Variants in VGLL4 observed in about 807,000 individuals in gnomAD.
VGLL4 encodes transcription cofactor vestigial-like protein 4.
Under a neutral mutation model 21.0 loss-of-function variants are expected in VGLL4, and 7 were observed. The ratio of observed to expected loss-of-function variants is 0.33; its 90% CI spans 0.19 to 0.63. The LOEUF (loss-of-function observed/expected upper bound fraction) is 0.63, where lower values mean the gene tolerates loss of function less well. Ranked by LOEUF, VGLL4 falls within the 20% of genes least tolerant of loss-of-function variation. The pLI, the probability that VGLL4 is intolerant of heterozygous loss-of-function variation, is 0.78. For missense variants in VGLL4, 394 were observed against 425.7 expected, an observed-to-expected ratio of 0.93 and a Z score of 0.66; for synonymous variants, 222 against 173.2, an observed-to-expected ratio of 1.28 and a Z score of -2.21.
chr3:11,613,273 T>C (rs892959860), intron 1 of VGLL4, among the ~76,000 whole-genome samples: 1 of 152,210 alleles, frequency 6.6e-6, no homozygotes, highest in Non-Finnish European at 1.5e-5. Flanking sequence ...TGCTACCATC[T>C]GCATTTTCAA....
chr3:11,659,177 G>A (rs2075998370), intron 2 of VGLL4, among the ~76,000 whole-genome samples: 3 of 152,082 alleles, frequency 2.0e-5, no homozygotes, highest in Admixed American at 2.0e-4. Flanking sequence ...AAGGGATTGG[G>A]ATCCAAAGAT....
chr3:11,644,271 T>C (rs1015105346), upstream of VGLL4, among the ~76,000 whole-genome samples: 1 of 152,224 alleles, frequency 6.6e-6, no homozygotes, highest in African/African-American at 2.4e-5. Context: ...CCCAAAGTGC[T>C]AGTGATGCAT....
intron 3 of VGLL4, among the ~76,000 whole-genome samples, chr3:11,560,448 G>T (rs1308121522): frequency 6.6e-6 from 1 of 152,208 alleles, no homozygotes; most frequent in African/African-American, 2.4e-5. Flanking sequence ...GGTGACAGCA[G>T]TGTCAGCCAG....
intron 3 of VGLL4, among the ~76,000 whole-genome samples, chr3:11,560,784 G>A (rs1038718593): frequency 2.0e-5 from 3 of 152,174 alleles, no homozygotes; most frequent in African/African-American, 7.2e-5. Context: ...CCCAGGGTTC[G>A]TACGGCCTCC....
intron 2 of VGLL4, chr3:11,582,427 AAGG>A (rs780559419): frequency 2.0e-5 from 31 of 1,512,362 alleles, no homozygotes; most frequent in Non-Finnish European, 2.6e-5. Flanking sequence ...TCCTCCCTGA[AAGG>A]AGGGTTGCGA....
rs556938772 is a variant in VGLL4, at chr3:11,719,330, G to C, written c.-14+1064C>G. On this transcript the variant is annotated intron_variant, in intron 1 of 5. Coordinates refer to the VGLL4 transcript ENST00000273038. This position sits in a 1 kb window ranked among gnomAD's most constrained non-coding sequence, Gnocchi z 4.0. Reference sequence around the variant, plus strand: ...CCCTCCCGCAGGGCATCCCGGTTCTGCTCCGACAGCCCACCCCAAGGCCCC... The same window carrying C: ...CCCTCCCGCAGGGCATCCCGGTTCTCCTCCGACAGCCCACCCCAAGGCCCC... 2.0e-4 allele frequency: 30 copies of C among 152,530 alleles called. No homozygotes were observed. Among genetic ancestry groups the C allele is most frequent in the African/African-American group, 7.2e-4 (30 of 41,548 alleles). 9.4% of individuals were successfully genotyped at this position (152,530 alleles called of 1,614,324 possible). A position where few individuals can be genotyped will look rare whatever the true frequency, so the allele number is the denominator to read the frequency against.
chr3:11,681,948 G>GCATAAA (rs2076377808), intron 2 of VGLL4, among the ~76,000 whole-genome samples: 1 of 152,180 alleles, frequency 6.6e-6, no homozygotes, highest in African/African-American at 2.4e-5. Context: ...AAGACAAAGT[G>GCATAAA]GGACACAGTT....
At chr3:11,683,680 G>A (rs1474980884) in intron 2 of VGLL4, among the ~76,000 whole-genome samples, 2 of 151,916 alleles carry the variant, frequency 1.3e-5, no homozygotes, top group Non-Finnish European at 2.9e-5. Context: ...TGTAATCCCA[G>A]CTACTCCGGA....
rs967163787 is a variant in VGLL4 at position 11,568,706 on chromosome 3, C to T, written c.273-3687G>A. On this transcript the variant is annotated intron_variant, in intron 2 of 4. Transcript: ENST00000430365. This position sits in a 1 kb window ranked among gnomAD's most constrained non-coding sequence, Gnocchi z 5.9. ...CACCTCCCGGCCACTGCTTCCCAGG[C>T]GTCATGTGCTCCCGGGGACGGCAGA... 1.9e-6 allele frequency: 3 copies of T among 1,549,088 alleles called. No individual in the cohort carries two copies. Among genetic ancestry groups the T allele is most frequent in the Admixed American group, 2.0e-5 (1 of 50,856 alleles).
In VGLL4 at chr3:11,568,739, A is replaced by T. The variant is rs2073652841; in HGVS notation, c.273-3720T>A. On this transcript the variant is annotated intron_variant, in intron 2 of 4. Transcript: ENST00000430365. This position sits in a 1 kb window ranked among gnomAD's most constrained non-coding sequence, Gnocchi z 5.9. ...GCTCCCGGGGACGGCAGAAAACCGC[A>T]CGCATCCTGCCCGGGAGATGGAAGT... 1.3e-6 allele frequency: 2 copies of T among 1,532,234 alleles called. No homozygotes were observed. The highest frequency in any genetic ancestry group is 2.5e-5 in the South Asian group (2 of 81,462). The allele number at this position is 1,532,234 out of a possible 1,614,324, so 94.9% of individuals were successfully genotyped here.
At chr3:11,655,126 A>G (rs1048894065) in intron 2 of VGLL4, among the ~76,000 whole-genome samples, 3 of 152,168 alleles carry the variant, frequency 2.0e-5, no homozygotes, top group African/African-American at 7.2e-5. Context: ...ATCACCCAGG[A>G]GGTTTTGAAA....
chr3:11,610,177 C>G (rs2075031080), intron 1 of VGLL4: 1 of 152,338 alleles, frequency 6.6e-6, no homozygotes, highest in African/African-American at 2.4e-5. Flanking sequence ...ACCCTGCTCC[C>G]AGATTCCACG....
chr3:11,655,041 G>A (rs1219893531), intron 2 of VGLL4, among the ~76,000 whole-genome samples: 3 of 152,154 alleles, frequency 2.0e-5, no homozygotes, highest in African/African-American at 2.4e-5. Context: ...CTATTTGTGA[G>A]GCCATTGGCA....
chr3:11,642,502 A>AT (rs1286722842), intron 1 of VGLL4, among the ~76,000 whole-genome samples: 1 of 152,236 alleles, frequency 6.6e-6, no homozygotes, highest in Non-Finnish European at 1.5e-5. Flanking sequence ...CTCCTGCTGA[A>AT]TGAGAAAGAG....
intron 2 of VGLL4, among the ~76,000 whole-genome samples, chr3:11,652,807 C>G (rs911970030): frequency 1.3e-5 from 2 of 152,300 alleles, no homozygotes; most frequent in South Asian, 4.1e-4. Context: ...AACACTTTAA[C>G]TTGTTAGTTT....
rs1431420608 is a variant in VGLL4 at position 11,557,935 on chromosome 3, AAAAC to A, written c.*617_*620del. ...CAAAGCTGTATTGTCTACATTAAAA[AAAAC>A]AAAAACAGTAACAACAACAAACACA... On this transcript the variant is annotated 3_prime_UTR_variant, in exon 5 of 5. Coordinates refer to ENST00000430365, the MANE Select transcript of VGLL4 (RefSeq NM_001128219.3). 5 of 154,076 alleles carry A rather than the reference AAAAC, an allele frequency of 3.2e-5. No homozygotes were observed. Among genetic ancestry groups the A allele is most frequent in the African/African-American group, 7.3e-5 (3 of 41,314 alleles). The allele number at this position is 154,076 out of a possible 1,614,324, so 9.5% of individuals were successfully genotyped here.
chr3:11,663,411 T>A (rs4444693), intron 2 of VGLL4, among the ~76,000 whole-genome samples: 115,824 of 152,190 alleles, frequency 0.76, 44,208 homozygotes, highest in South Asian at 0.81. Context: ...AGATTAAAAC[T>A]GCAACATTTA....
At chr3:11,581,063 CT>C (rs373891384) in intron 2 of VGLL4, among the ~76,000 whole-genome samples, 259 of 103,970 alleles carry the variant, frequency 2.5e-3, no homozygotes, top group Middle Eastern at 4.2e-3. Context: ...TCTGCAACTC[CT>C]TTTTTTTTTT....
intron 2 of VGLL4, among the ~76,000 whole-genome samples, chr3:11,662,543 C>A (rs2125356506): frequency 6.6e-6 from 1 of 152,308 alleles, no homozygotes; most frequent in East Asian, 1.9e-4. Context: ...CAATGGCCAA[C>A]TCAAAATATA....
Sources: allele counts gnomAD v4.1 joint callset (sites outside exome capture counted in the v4.1 genomes callset), GRCh38; gene constraint gnomAD v4.1.1; non-coding constraint Gnocchi (gnomAD v3.1); transcripts MANE v1.5; gene names NCBI Gene and HGNC (gene_info 2026-07-23, HGNC 2026-07-21).